Variants in ARHGAP32 observed in about 807,000 individuals in gnomAD.
The protein encoded by ARHGAP32 is rho GTPase-activating protein 32.
ARHGAP32 carries 51 observed loss-of-function variants against 186.5 expected under a neutral mutation model. The ratio of observed to expected loss-of-function variants is 0.27; its 90% confidence interval spans 0.22 to 0.35. The LOEUF (loss-of-function observed/expected upper bound fraction) is 0.35. Ranked by LOEUF, ARHGAP32 falls within the 10% of genes least tolerant of loss-of-function variation. The probability of loss-of-function intolerance (pLI) is 1.00; values close to 1 mark genes in which losing one functional copy is unlikely to be tolerated. For missense variants in ARHGAP32, 2,186 were observed against 2,623.5 expected (o/e 0.83, Z 3.64); for synonymous variants, 950 against 964.3 (o/e 0.99, Z 0.27).
At chr11:129,204,576 G>A (rs1944493804) in intron 1 of ARHGAP32, among the ~76,000 whole-genome samples, 1 of 152,158 alleles carries the variant, frequency 6.6e-6, no homozygotes, top group African/African-American at 2.4e-5. Flanking sequence ...ATCCTTACCT[G>A]TATAGTTCAC....
intron 6 of ARHGAP32, among the ~76,000 whole-genome samples, chr11:129,082,585 T>A (rs1027230740): frequency 1.3e-5 from 2 of 152,252 alleles, no homozygotes; most frequent in East Asian, 3.9e-4. Flanking sequence ...TCTCACCTTA[T>A]ACAAACATCA....
Position 128,973,973 on chromosome 11 carries a change from A to G in ARHGAP32, c.3073+151T>C, listed in dbSNP as rs571224122. On this transcript the variant is annotated intron_variant, in intron 21 of 22. Transcript: ENST00000682385. ...AGTTTTGTTGGACTGCTTTTAATTT[A>G]GGGCTCTGAGCCATCAGCACCACCC... is the stretch of plus-strand genomic sequence containing the variant. 719 of 896,338 alleles carry G rather than the reference A, an allele frequency of 8.0e-4. 1 individual carries two copies. The highest frequency in any genetic ancestry group is 1.1e-3 in the Non-Finnish European group (662 of 595,126). The allele number at this position is 896,338 out of a possible 1,614,324, so 55.5% of individuals were successfully genotyped here. A position where few individuals can be genotyped will look rare whatever the true frequency, so the allele number is the denominator to read the frequency against.
chr11:129,221,746 A>T (rs1053658559), intron 1 of ARHGAP32, among the ~76,000 whole-genome samples: 1 of 152,002 alleles, frequency 6.6e-6, no homozygotes, highest in African/African-American at 2.4e-5. Flanking sequence ...CAGGAGGTCC[A>T]GGCTGCTGTG....
In ARHGAP32 at chr11:129,034,300, A is replaced by G. The variant is rs371003330; in HGVS notation, c.1045+6628T>C. On this transcript the variant is annotated intron_variant, in intron 11 of 22. Coordinates refer to ENST00000682385, the MANE Select transcript of ARHGAP32 (RefSeq NM_001378024.1). ...CATCACCTTATCACAATAATTGCTT[A>G]CAGTTTTATTAACTCTCTAATGCTT... Among the ~76,000 whole-genome samples the G allele has an allele frequency of 4.6e-5, 7 of 152,308 alleles. No homozygotes were observed. In the East Asian group the frequency reaches 1.2e-3, roughly 25 times the overall value.
intron 11 of ARHGAP32, among the ~76,000 whole-genome samples, chr11:129,036,382 A>AAAG: frequency 1.3e-5 from 1 of 75,200 alleles, no homozygotes; most frequent in Non-Finnish European, 3.3e-5. Context: ...CTCCGTCTCA[A>AAAG]AAAAAAAAAA....
intron 5 of ARHGAP32, among the ~76,000 whole-genome samples, chr11:129,105,552 G>T (rs1236125177): frequency 2.6e-5 from 4 of 151,684 alleles, no homozygotes; most frequent in Non-Finnish European, 4.4e-5. Context: ...GCTAAAAGAA[G>T]AAAGACTTTA....
chr11:128,979,223 G>A (rs914918426), intron 18 of ARHGAP32, among the ~76,000 whole-genome samples: 3 of 152,116 alleles, frequency 2.0e-5, no homozygotes, highest in African/African-American at 7.2e-5. Flanking sequence ...CTGGGAATAG[G>A]AAATATTAAG....
At chr11:129,171,899 A>C (rs901242062) in intron 1 of ARHGAP32, among the ~76,000 whole-genome samples, 1 of 151,792 alleles carries the variant, frequency 6.6e-6, no homozygotes, top group African/African-American at 2.4e-5. Context: ...CCCTGTTAAC[A>C]GTATTCCTAG....
intron 1 of ARHGAP32, among the ~76,000 whole-genome samples, chr11:129,229,834 G>A (rs1040183546): frequency 6.6e-6 from 1 of 151,752 alleles, no homozygotes; most frequent in African/African-American, 2.4e-5. Context: ...ATTTTTTTGG[G>A]GGTGGGAGGC....
intron 2 of ARHGAP32, among the ~76,000 whole-genome samples, chr11:129,153,167 T>C (rs753899536): frequency 1.0e-4 from 15 of 149,936 alleles, no homozygotes; most frequent in Non-Finnish European, 1.2e-4. Flanking sequence ...ATTAGGAATA[T>C]ACCTAACCAA....
intron 2 of ARHGAP32, among the ~76,000 whole-genome samples, chr11:129,132,285 C>G (rs936799325): frequency 6.6e-6 from 1 of 152,126 alleles, no homozygotes. Flanking sequence ...TTGAGGCCAG[C>G]CTGGGCAACA....
upstream of ARHGAP32, among the ~76,000 whole-genome samples, chr11:129,195,841 T>C (rs994150539): frequency 6.6e-6 from 1 of 152,208 alleles, no homozygotes; most frequent in African/African-American, 2.4e-5. Context: ...GGGGCAGGGA[T>C]GGAACACAGC....
intron 1 of ARHGAP32, among the ~76,000 whole-genome samples, chr11:129,275,620 T>G (rs749902380): frequency 6.6e-6 from 1 of 152,202 alleles, no homozygotes; most frequent in Non-Finnish European, 1.5e-5. Context: ...AAGAACCAGA[T>G]AATAAATACT....
At chr11:129,137,464 C>T (rs1020879641) in intron 2 of ARHGAP32, among the ~76,000 whole-genome samples, 1 of 151,754 alleles carries the variant, frequency 6.6e-6, no homozygotes, top group African/African-American at 2.4e-5. Context: ...TAAGTTGGTA[C>T]CTTAAGCACA....
chr11:129,202,565 A>T lies in ARHGAP32; in HGVS notation c.-4-38138T>A, dbSNP rs1475005564. On this transcript the variant is annotated intron_variant, in intron 1 of 6. Coordinates refer to the ARHGAP32 transcript ENST00000525234. ...AATCATGTATGCGATATAAATAAGA[A>T]AACTTAAACAGATTCTTTTCATATC... 5.3e-5 allele frequency among the ~76,000 whole-genome samples: 8 copies of T among 152,232 alleles called. No individual in the cohort carries two copies. The East Asian group carries it at 1.5e-3, about 29-fold the overall frequency.
intron 11 of ARHGAP32, among the ~76,000 whole-genome samples, chr11:129,010,584 T>G (rs1251268571): frequency 6.6e-6 from 1 of 152,186 alleles, no homozygotes; most frequent in African/African-American, 2.4e-5. Context: ...TCAGGTTTGT[T>G]GAAGATCAGA....
At chr11:129,222,786 C>A (rs529580214) in intron 1 of ARHGAP32, among the ~76,000 whole-genome samples, 1 of 152,236 alleles carries the variant, frequency 6.6e-6, no homozygotes, top group African/African-American at 2.4e-5. Context: ...TTCTTGTTTG[C>A]AAACTTTTAA....
At chr11:129,057,701 TAAAAA>T (rs34991638) in intron 10 of ARHGAP32, among the ~76,000 whole-genome samples, 2 of 130,218 alleles carry the variant, frequency 1.5e-5, no homozygotes, top group South Asian at 2.5e-4. Flanking sequence ...TAGCGTTTGA[TAAAAA>T]AAAAAAAAAA....
chr11:129,127,922 G>A (rs1383160091), intron 2 of ARHGAP32, among the ~76,000 whole-genome samples: 2 of 152,080 alleles, frequency 1.3e-5, no homozygotes, highest in Non-Finnish European at 2.9e-5. Flanking sequence ...ATAAAAGCAC[G>A]CACCATTTAC....
Sources: gnomAD v4.1 joint callset for allele counts (sites outside exome capture counted in the v4.1 genomes callset) on GRCh38, gnomAD v4.1.1 for gene constraint, MANE v1.5 for transcripts, NCBI Gene and HGNC (gene_info 2026-07-23, HGNC 2026-07-21) for gene names.